The following CHODL variants were observed in gnomAD, a reference collection of about 807,000 sequenced individuals.
CHODL encodes the protein transmembrane protein MT75.
CHODL carries 29 observed loss-of-function variants against 34.5 expected under a neutral mutation model. That is an observed-to-expected ratio of 0.84 (90% CI 0.63 to 1.15). CHODL has a LOEUF of 1.15. Among genes scored for constraint, CHODL ranks in the 50% most tolerant of loss-of-function variants. CHODL has a pLI of 0.00. For missense variants in CHODL, 332 were observed against 332.5 expected (o/e 1.00, Z 0.01); for synonymous variants, 125 against 116.1 (o/e 1.08, Z -0.49).
chr21:18,113,684 C>T (rs1217522594), intron 2 of CHODL, among the ~76,000 whole-genome samples: 1 of 152,178 alleles, frequency 6.6e-6, no homozygotes, highest in East Asian at 1.9e-4. Flanking sequence ...CCAGTCACCT[C>T]TCACCAGGTC....
intron 2 of CHODL, among the ~76,000 whole-genome samples, chr21:18,030,194 C>T (rs1470807646): frequency 6.6e-6 from 1 of 152,300 alleles, no homozygotes; most frequent in East Asian, 1.9e-4. Context: ...GAGACTGTGA[C>T]TTCTGTCATC....
At chr21:18,186,958 T>A (rs766959555) in intron 2 of CHODL, among the ~76,000 whole-genome samples, 3 of 152,180 alleles carry the variant, frequency 2.0e-5, no homozygotes, top group Non-Finnish European at 4.4e-5. Flanking sequence ...CTAGGGCTAT[T>A]GGTAGATGGT....
rs150871313 is a variant in CHODL, at chr21:18,031,822, C to T, written c.-45+3851C>T. On this transcript the variant is annotated intron_variant, in intron 2 of 6. Coordinates refer to the CHODL transcript ENST00000400127. ...TTTCCTAATTACCAAAGGGATCGAT[C>T]CAATGACTCAGCATCTATGAATGAA... 2.6e-5 allele frequency among the ~76,000 whole-genome samples: 4 copies of T among 152,208 alleles called. No homozygotes were observed. The East Asian group carries it at 7.7e-4, about 29-fold the overall frequency.
intron 2 of CHODL, among the ~76,000 whole-genome samples, chr21:18,087,626 G>A (rs1347510075): frequency 6.6e-6 from 1 of 152,128 alleles, no homozygotes; most frequent in Non-Finnish European, 1.5e-5. Context: ...TCAGCCTGAG[G>A]GTAGAGGGCA....
intron 2 of CHODL, among the ~76,000 whole-genome samples, chr21:18,202,867 T>C (rs2073669851): frequency 6.6e-6 from 1 of 152,220 alleles, no homozygotes; most frequent in Non-Finnish European, 1.5e-5. Context: ...CAGTTTAACA[T>C]AGACAGTAAA....
At chr21:17,948,167 G>A (rs957838187) in intron 1 of CHODL, among the ~76,000 whole-genome samples, 3 of 152,186 alleles carry the variant, frequency 2.0e-5, no homozygotes, top group Middle Eastern at 3.4e-3. Flanking sequence ...GTATGGGAGA[G>A]GGATGAGAAC....
At chr21:18,249,113 A>G (rs1279443677) in intron 1 of CHODL, among the ~76,000 whole-genome samples, 2 of 129,954 alleles carry the variant, frequency 1.5e-5, no homozygotes, top group Non-Finnish European at 3.1e-5. Context: ...AATAATATAT[A>G]TATAATAAAA....
intron 1 of CHODL, among the ~76,000 whole-genome samples, chr21:17,945,279 A>G (rs1165620304): frequency 6.6e-6 from 1 of 151,886 alleles, no homozygotes; most frequent in Non-Finnish European, 1.5e-5. Flanking sequence ...TAAAATGACT[A>G]AAAAAAATTT....
At chr21:18,032,154 G>A (rs2064255240) in intron 2 of CHODL, among the ~76,000 whole-genome samples, 1 of 151,996 alleles carries the variant, frequency 6.6e-6, no homozygotes, top group East Asian at 1.9e-4. Flanking sequence ...TGTACAACAT[G>A]GCAACTGTGG....
chr21:17,956,645 T>C (rs555222335), intron 1 of CHODL, among the ~76,000 whole-genome samples: 1 of 136,174 alleles, frequency 7.3e-6, no homozygotes, highest in Non-Finnish European at 1.7e-5. Context: ...ATTCAGTGTC[T>C]GGTGAGGGCC....
At chr21:18,102,502 AG>A (rs1298519336) in intron 2 of CHODL, among the ~76,000 whole-genome samples, 1 of 152,152 alleles carries the variant, frequency 6.6e-6, no homozygotes, top group East Asian at 1.9e-4. Context: ...TGTCAGTGAA[AG>A]CCTGCTTTTA....
At chr21:18,259,697 G>T (rs1325141313) in intron 3 of CHODL, among the ~76,000 whole-genome samples, 2 of 152,176 alleles carry the variant, frequency 1.3e-5, no homozygotes, top group Admixed American at 6.5e-5. Flanking sequence ...CAGAAATGTG[G>T]CTTAGAACGT....
chr21:18,006,469 T>A (rs1286355757), intron 1 of CHODL, among the ~76,000 whole-genome samples: 1 of 152,216 alleles, frequency 6.6e-6, no homozygotes, highest in African/African-American at 2.4e-5. Flanking sequence ...TTCTGTTGCT[T>A]GTGTGTGATA....
At chr21:18,138,280 T>TG (rs2072759350) in intron 2 of CHODL, among the ~76,000 whole-genome samples, 1 of 152,070 alleles carries the variant, frequency 6.6e-6, no homozygotes. Flanking sequence ...AAGCCAAAAT[T>TG]GGGGAAAATT....
intron 2 of CHODL, among the ~76,000 whole-genome samples, chr21:18,210,940 G>C (rs1043274167): frequency 2.6e-5 from 4 of 152,092 alleles, no homozygotes; most frequent in Admixed American, 6.6e-5. Flanking sequence ...TTTGGCACTT[G>C]TTACCTCTCT....
At chr21:18,026,463 A>G (rs949640521) in intron 1 of CHODL, among the ~76,000 whole-genome samples, 3 of 24,734 alleles carry the variant, frequency 1.2e-4, no homozygotes, top group African/African-American at 4.5e-4. Flanking sequence ...CACTTTAAGG[A>G]CAAAGATTTG....
intron 2 of CHODL, among the ~76,000 whole-genome samples, chr21:18,204,473 T>G (rs2073690305): frequency 6.6e-6 from 1 of 152,122 alleles, no homozygotes; most frequent in South Asian, 2.1e-4. Context: ...TGGATGCTTA[T>G]CTCTAGGTCA....
intron 2 of CHODL, among the ~76,000 whole-genome samples, chr21:18,130,182 A>C (rs76201496): frequency 0.023 from 3,476 of 152,264 alleles, 71 homozygotes; most frequent in African/African-American, 0.052. Context: ...ATCTCTGTAT[A>C]TTACAGTTTC....
intron 1 of CHODL, among the ~76,000 whole-genome samples, chr21:17,942,644 T>TA (rs2063375036): frequency 6.6e-6 from 1 of 152,202 alleles, no homozygotes; most frequent in Admixed American, 6.5e-5. Flanking sequence ...ATTTAAAACT[T>TA]AAAGATACCA....
Sources: allele counts gnomAD v4.1 joint callset (sites outside exome capture counted in the v4.1 genomes callset), GRCh38; gene constraint gnomAD v4.1.1; transcripts MANE v1.5; gene names NCBI Gene and HGNC (gene_info 2026-07-23, HGNC 2026-07-21).